GALNT13: variants seen among roughly 807,000 people sequenced by gnomAD.
GALNT13 encodes the protein polypeptide N-acetylgalactosaminyltransferase 13.
Under a neutral mutation model 64.2 loss-of-function variants are expected in GALNT13, and 28 were observed. That is an observed-to-expected ratio of 0.44 (90% CI 0.32 to 0.60). The LOEUF (loss-of-function observed/expected upper bound fraction) is 0.60, where lower values mean the gene tolerates loss of function less well. Among genes scored for constraint, GALNT13 ranks in the 20% least tolerant of loss-of-function variants. The probability of loss-of-function intolerance (pLI) is 0.05; values close to 1 mark genes in which losing one functional copy is unlikely to be tolerated. For synonymous variants in GALNT13, 214 were observed against 224.6 expected (o/e 0.95, Z 0.42); for missense variants, 577 against 669.8 (o/e 0.86, Z 1.53).
At chr2:154,419,104 C>T (rs1700145146) in intron 11 of GALNT13, among the ~76,000 whole-genome samples, 1 of 151,936 alleles carries the variant, frequency 6.6e-6, no homozygotes, top group African/African-American at 2.4e-5. Context: ...GTTAATAAAT[C>T]CTGCACAGGA....
intron 9 of GALNT13, among the ~76,000 whole-genome samples, chr2:154,347,937 G>A (rs1355619613): frequency 6.6e-6 from 1 of 152,050 alleles, no homozygotes; most frequent in African/African-American, 2.4e-5. Flanking sequence ...TGTGATATTT[G>A]GAAGGCCACT....
the GALNT13 span, among the ~76,000 whole-genome samples, chr2:153,174,500 G>C: frequency 6.7e-6 from 1 of 149,814 alleles, no homozygotes; most frequent in South Asian, 2.1e-4. Flanking sequence ...TGGATAGGCT[G>C]AGAATTTTCC....
At chr2:153,258,158 T>TA in the GALNT13 span, among the ~76,000 whole-genome samples, 1 of 152,212 alleles carries the variant, frequency 6.6e-6, no homozygotes, top group Non-Finnish European at 1.5e-5. Context: ...AAAGCCTATG[T>TA]AAAAAATAAT....
At chr2:154,417,960 T>C (rs1700096029) in intron 11 of GALNT13, among the ~76,000 whole-genome samples, 2 of 152,190 alleles carry the variant, frequency 1.3e-5, no homozygotes, top group African/African-American at 4.8e-5. Flanking sequence ...TTTTAACTTA[T>C]ATATTATTTC....
chr2:153,865,131 C>T, the GALNT13 span, among the ~76,000 whole-genome samples: 1 of 126,516 alleles, frequency 7.9e-6, no homozygotes, highest in African/African-American at 3.0e-5. Context: ...AACTGGATCC[C>T]TTCCTTACAC....
the GALNT13 span, among the ~76,000 whole-genome samples, chr2:153,538,463 C>A: frequency 8.0e-6 from 1 of 125,376 alleles, no homozygotes; most frequent in Non-Finnish European, 1.6e-5. Flanking sequence ...CATATGTATA[C>A]ATGTGCCATG....
the GALNT13 span, among the ~76,000 whole-genome samples, chr2:153,185,370 A>G: frequency 6.6e-6 from 1 of 152,062 alleles, no homozygotes; most frequent in Non-Finnish European, 1.5e-5. Context: ...TAGTCTACCT[A>G]GTGGTCCATC....
the GALNT13 span, among the ~76,000 whole-genome samples, chr2:153,265,319 G>T: frequency 6.6e-6 from 1 of 152,158 alleles, no homozygotes; most frequent in African/African-American, 2.4e-5. Context: ...TTTATCTCAT[G>T]GTCGTGTGGC....
the GALNT13 span, among the ~76,000 whole-genome samples, chr2:153,358,844 T>C: frequency 6.6e-6 from 1 of 152,296 alleles, no homozygotes; most frequent in East Asian, 1.9e-4. Context: ...CCTCCCTTTG[T>C]TTCTCACCAG....
At chr2:153,696,893 C>T in the GALNT13 span, among the ~76,000 whole-genome samples, 1 of 152,204 alleles carries the variant, frequency 6.6e-6, no homozygotes, top group Admixed American at 6.5e-5. Context: ...CTACATTTCT[C>T]AGACTCCCTT....
chr2:153,289,429 A>G, the GALNT13 span, among the ~76,000 whole-genome samples: 2 of 152,160 alleles, frequency 1.3e-5, no homozygotes, highest in Non-Finnish European at 2.9e-5. Context: ...GGTAATAAGA[A>G]CCCCATTTTA....
At chr2:154,351,936 C>T (rs1022312018) in intron 9 of GALNT13, among the ~76,000 whole-genome samples, 2 of 151,910 alleles carry the variant, frequency 1.3e-5, no homozygotes, top group Non-Finnish European at 2.9e-5. Context: ...GTTCATTTTT[C>T]TTTGAAACAA....
At chr2:154,376,700 G>T (rs1028961419) in intron 9 of GALNT13, among the ~76,000 whole-genome samples, 5 of 151,922 alleles carry the variant, frequency 3.3e-5, no homozygotes, top group Non-Finnish European at 7.4e-5. Flanking sequence ...ATGGCAAAAA[G>T]GACAAAACTG....
intron 4 of GALNT13, among the ~76,000 whole-genome samples, chr2:154,173,175 G>A (rs530672585): frequency 1.2e-4 from 18 of 151,782 alleles, no homozygotes; most frequent in South Asian, 8.3e-4. Flanking sequence ...ATAAATCCAC[G>A]TATTTACAAC....
At chr2:153,628,434 G>C in the GALNT13 span, among the ~76,000 whole-genome samples, 2 of 151,986 alleles carry the variant, frequency 1.3e-5, no homozygotes, top group East Asian at 1.9e-4. Flanking sequence ...CGTTTTCAAA[G>C]GGAATGCTTC....
chr2:154,280,675 C>A (rs1352610277), intron 8 of GALNT13, among the ~76,000 whole-genome samples: 1 of 152,104 alleles, frequency 6.6e-6, no homozygotes, highest in Non-Finnish European at 1.5e-5. Context: ...CAAGAGATGC[C>A]ATATATTGCA....
chr2:153,774,080 A>G, the GALNT13 span, among the ~76,000 whole-genome samples: 1 of 151,922 alleles, frequency 6.6e-6, no homozygotes, highest in Non-Finnish European at 1.5e-5. Flanking sequence ...TTAACAAACA[A>G]TTTTTCTGGA....
the GALNT13 span, among the ~76,000 whole-genome samples, chr2:153,609,883 A>T: frequency 2.0e-5 from 3 of 152,280 alleles, no homozygotes; most frequent in East Asian, 5.8e-4. Flanking sequence ...GCCTTTAGGT[A>T]GAAACCAAGT....
At chr2:153,743,589 T>G in the GALNT13 span, among the ~76,000 whole-genome samples, 1 of 152,140 alleles carries the variant, frequency 6.6e-6, no homozygotes, top group Admixed American at 6.6e-5. Flanking sequence ...ACATAAGATG[T>G]TTTGATACAG....
Sources: allele counts gnomAD v4.1 joint callset (sites outside exome capture counted in the v4.1 genomes callset), GRCh38; gene constraint gnomAD v4.1.1; transcripts MANE v1.5; gene names NCBI Gene and HGNC (gene_info 2026-07-23, HGNC 2026-07-21).